The following ZNF541 variants were observed in gnomAD, a reference collection of about 807,000 sequenced individuals.
ZNF541 encodes the protein zinc finger protein 541.
Under a neutral mutation model 123.5 loss-of-function variants are expected in ZNF541, and 23 were observed. The observed-to-expected ratio is 0.19, with a 90% CI of 0.13 to 0.26. The LOEUF (loss-of-function observed/expected upper bound fraction) is 0.26, where lower values mean the gene tolerates loss of function less well. Among genes scored for constraint, ZNF541 ranks in the 10% least tolerant of loss-of-function variants. ZNF541 has a pLI of 1.00. For synonymous variants in ZNF541, 751 were observed against 754.5 expected (o/e 1.00, Z 0.08); for missense variants, 1,612 against 1,789.9 (o/e 0.90, Z 1.79).
chr19:47,525,359 G>A (rs1969238613), intron 14 of ZNF541, among the ~76,000 whole-genome samples: 1 of 151,738 alleles, frequency 6.6e-6, no homozygotes, highest in South Asian at 2.1e-4. Context: ...ATCCTAGCAG[G>A]TTTTTTGTTT....
In ZNF541 at chr19:47,539,876, C is replaced by T. The variant is rs1477262573; in HGVS notation, c.2625G>A (p.Val875=). The part of the protein sequence containing the change: ...PSPRGKQEPQ[V]FGTEFCKPLR... ...GCGGCTTGCAAAACTCTGTGCCAAACACCTAAACACAGAAGAGAAGAGATG... is the reference window on the plus strand; with the variant it reads ...GCGGCTTGCAAAACTCTGTGCCAAATACCTAAACACAGAAGAGAAGAGATG... Residue 875 remains valine, a splice_region_variant and synonymous_variant, in exon 8 of 17, where the codon GTG becomes GTA. Coordinates refer to ENST00000391901, the MANE Select transcript of ZNF541 (RefSeq NM_001277075.3). 2 of 1,523,774 alleles carry T rather than the reference C, an allele frequency of 1.3e-6. No individual in the cohort carries two copies. The highest frequency in any genetic ancestry group is 2.8e-5 in the African/African-American group (2 of 70,962). 94.4% of individuals were successfully genotyped at this position (1,523,774 alleles called of 1,614,324 possible).
chr19:47,540,807 T>C, intron 6 of ZNF541, 86 bp downstream of exon 6: 2 of 1,334,736 alleles, frequency 1.5e-6, no homozygotes, highest in Admixed American at 2.3e-5. Flanking sequence ...GAAAGCATCC[T>C]CCCCACTCAC....
At chr19:47,564,951 T>C (rs1971205966) in intron 2 of ZNF541, among the ~76,000 whole-genome samples, 1 of 151,980 alleles carries the variant, frequency 6.6e-6, no homozygotes, top group Admixed American at 6.6e-5. Flanking sequence ...GAAATATATA[T>C]ATGATGGAAT....
intron 2 of ZNF541, among the ~76,000 whole-genome samples, chr19:47,557,864 AAG>A (rs1464291178): frequency 6.6e-6 from 1 of 152,124 alleles, no homozygotes; most frequent in Non-Finnish European, 1.5e-5. Flanking sequence ...AAAAAAAAAA[AAG>A]AGATGATGGT....
At chr19:47,533,603 G>A (rs868249442) in intron 9 of ZNF541, among the ~76,000 whole-genome samples, 1 of 151,992 alleles carries the variant, frequency 6.6e-6, no homozygotes, top group Admixed American at 6.6e-5. Context: ...AGCACTTTGG[G>A]ACACTGAGGT....
At chr19:47,522,984 G>T (rs1969109687) in intron 14 of ZNF541, among the ~76,000 whole-genome samples, 1 of 150,186 alleles carries the variant, frequency 6.7e-6, no homozygotes, top group Non-Finnish European at 1.5e-5. Flanking sequence ...GACCTCAGGT[G>T]ATCTGCCTGC....
chr19:47,560,576 CAA>C (rs77981071), intron 2 of ZNF541, among the ~76,000 whole-genome samples: 32 of 53,782 alleles, frequency 5.9e-4, no homozygotes, highest in Non-Finnish European at 6.9e-4. Flanking sequence ...AACTCTGTCC[CAA>C]AAAAAAAAAA....
At chr19:47,536,238 C>T (rs1339793841) in intron 9 of ZNF541, among the ~76,000 whole-genome samples, 1 of 152,112 alleles carries the variant, frequency 6.6e-6, no homozygotes, top group Non-Finnish European at 1.5e-5. Flanking sequence ...CCATTATGAA[C>T]ATGTCACAGT....
At chr19:47,540,135 G>A (rs1266412609) in intron 7 of ZNF541, 41 bp downstream of exon 7, 2 of 1,531,716 alleles carry the variant, frequency 1.3e-6, no homozygotes, top group Non-Finnish European at 1.8e-6. Flanking sequence ...AGGCCTGCCA[G>A]AAACCCAGTA....
chr19:47,561,457 G>T (rs761809846), intron 2 of ZNF541, among the ~76,000 whole-genome samples: 6 of 151,602 alleles, frequency 4.0e-5, no homozygotes, highest in African/African-American at 9.7e-5. Context: ...AATTAATTAA[G>T]TATTAAAAAA....
intron 2 of ZNF541, among the ~76,000 whole-genome samples, chr19:47,562,873 T>C (rs1343265370): frequency 6.6e-6 from 1 of 152,172 alleles, no homozygotes; most frequent in Admixed American, 6.6e-5. Flanking sequence ...GTTTAACCAC[T>C]CTCCTGTTGA....
chr19:47,565,867 A>T (rs1971241477), intron 2 of ZNF541, among the ~76,000 whole-genome samples: 1 of 151,890 alleles, frequency 6.6e-6, no homozygotes, highest in Admixed American at 6.6e-5. Context: ...AGCAATTTTA[A>T]TTTTTTTTCT....
rs138237152 is a variant in ZNF541 at position 47,558,143 on chromosome 19, G to A, written c.-98-2189C>T. ...TATAAAAGAATACTACAGGCCAGGC[G>A]TGGTGGCTTACGCCTGTAATCCCAG... On this transcript the variant is annotated intron_variant, in intron 2 of 16. Coordinates refer to ENST00000391901, the MANE Select transcript of ZNF541 (RefSeq NM_001277075.3). 9.9e-3 allele frequency among the ~76,000 whole-genome samples: 1,509 copies of A among 152,290 alleles called. 22 individuals are homozygous for A. The highest frequency in any genetic ancestry group is 0.034 in the African/African-American group (1,429 of 41,586).
intron 2 of ZNF541, among the ~76,000 whole-genome samples, chr19:47,571,539 GC>G (rs1244532966): frequency 8.5e-5 from 13 of 152,206 alleles, no homozygotes; most frequent in Non-Finnish European, 1.3e-4. Flanking sequence ...CATTTCCACT[GC>G]CTGGCATCAC....
At chr19:47,539,297 CTT>C (rs1001789975) in intron 8 of ZNF541, among the ~76,000 whole-genome samples, 22 of 125,804 alleles carry the variant, frequency 1.7e-4, no homozygotes, top group Admixed American at 3.3e-4. Context: ...TCAAGATTTT[CTT>C]TTTTTTTTTT....
At chr19:47,569,694 C>A (rs1971404631) in intron 2 of ZNF541, among the ~76,000 whole-genome samples, 1 of 151,750 alleles carries the variant, frequency 6.6e-6, no homozygotes, top group South Asian at 2.1e-4. Context: ...GAGATCCCCG[C>A]CGCCCCCCAC....
intron 14 of ZNF541, among the ~76,000 whole-genome samples, chr19:47,525,917 C>CAAAAAA (rs34123668): frequency 3.5e-5 from 2 of 57,592 alleles, no homozygotes; most frequent in South Asian, 7.5e-4. Flanking sequence ...CTCCGTCTCA[C>CAAAAAA]AAAAAAAAAA....
chr19:47,540,598 C>T (rs1970040528), intron 6 of ZNF541, among the ~76,000 whole-genome samples: 2 of 152,218 alleles, frequency 1.3e-5, no homozygotes, highest in East Asian at 1.9e-4. Flanking sequence ...TGCCAATATA[C>T]GTGGCTAATT....
At chr19:47,548,008 T>C (rs1424899141) in intron 4 of ZNF541, among the ~76,000 whole-genome samples, 2 of 136,060 alleles carry the variant, frequency 1.5e-5, no homozygotes, top group Non-Finnish European at 3.0e-5. Flanking sequence ...ACCTCTGCAC[T>C]CCAGCCTGAG....
Sources: allele counts gnomAD v4.1 joint callset (sites outside exome capture counted in the v4.1 genomes callset), GRCh38; gene constraint gnomAD v4.1.1; transcripts MANE v1.5; gene names NCBI Gene and HGNC (gene_info 2026-07-23, HGNC 2026-07-21).